The following ARHGAP26 variants were observed in gnomAD, a reference collection of about 807,000 sequenced individuals.
ARHGAP26 encodes the protein Rho GTPase activating protein 26, also known as rho GTPase-activating protein 26.
In ARHGAP26, 38 loss-of-function variants were observed where a neutral mutation model predicts 104.8. That is an observed-to-expected ratio of 0.36 (90% CI 0.28 to 0.48). The LOEUF (loss-of-function observed/expected upper bound fraction) is 0.48, where lower values mean the gene tolerates loss of function less well. Among genes scored for constraint, ARHGAP26 ranks in the 20% least tolerant of loss-of-function variants. The pLI, the probability that ARHGAP26 is intolerant of heterozygous loss-of-function variation, is 0.99. For missense variants in ARHGAP26, 704 were observed against 947.9 expected, an observed-to-expected ratio of 0.74 and a Z score of 3.38; for synonymous variants, 341 against 340.0, an observed-to-expected ratio of 1.00 and a Z score of -0.03.
chr5:142,844,945 C>T (rs1379267885), intron 1 of ARHGAP26, among the ~76,000 whole-genome samples: 1 of 152,062 alleles, frequency 6.6e-6, no homozygotes, highest in Non-Finnish European at 1.5e-5. Flanking sequence ...CTGATGCCTG[C>T]TGAACTTAAC....
At chr5:142,994,495 C>A (rs897516990) in intron 11 of ARHGAP26, among the ~76,000 whole-genome samples, 3 of 152,062 alleles carry the variant, frequency 2.0e-5, no homozygotes, top group Non-Finnish European at 4.4e-5. Flanking sequence ...AGAGCTGTGG[C>A]CACATGAAGG....
intron 12 of ARHGAP26, among the ~76,000 whole-genome samples, chr5:143,026,167 G>A (rs1263171176): frequency 7.2e-5 from 11 of 152,198 alleles, no homozygotes; most frequent in Non-Finnish European, 1.5e-5. Context: ...GGAATGTGGA[G>A]ACTTTTGGCC....
intron 11 of ARHGAP26, among the ~76,000 whole-genome samples, chr5:143,009,008 A>G (rs749493611): frequency 1.3e-5 from 2 of 152,106 alleles, no homozygotes; most frequent in Non-Finnish European, 2.9e-5. Flanking sequence ...TTGTACTTTC[A>G]TTGCAGCTTC....
chr5:143,110,571 A>G (rs1794659664), intron 17 of ARHGAP26, among the ~76,000 whole-genome samples: 1 of 152,178 alleles, frequency 6.6e-6, no homozygotes, highest in Non-Finnish European at 1.5e-5. Context: ...TGGCATACAC[A>G]TGTGCAACTT....
chr5:142,795,123 G>T (rs1760720499), intron 1 of ARHGAP26, among the ~76,000 whole-genome samples: 1 of 152,000 alleles, frequency 6.6e-6, no homozygotes, highest in Non-Finnish European at 1.5e-5. Flanking sequence ...ACAAACACAA[G>T]GCAACAGCCA....
intron 1 of ARHGAP26, among the ~76,000 whole-genome samples, chr5:142,872,738 T>C (rs1755495766): frequency 6.6e-6 from 1 of 152,222 alleles, no homozygotes; most frequent in East Asian, 1.9e-4. Flanking sequence ...GCCGGGGCTT[T>C]GTTCTCCTGG....
At chr5:143,078,401 G>A (rs1789341959) in intron 17 of ARHGAP26, among the ~76,000 whole-genome samples, 2 of 152,098 alleles carry the variant, frequency 1.3e-5, no homozygotes, top group African/African-American at 4.8e-5. Flanking sequence ...TCGGATTTTG[G>A]TTTTTTATTT....
intron 11 of ARHGAP26, among the ~76,000 whole-genome samples, chr5:142,941,386 A>G (rs1003373417): frequency 6.6e-6 from 1 of 152,078 alleles, no homozygotes; most frequent in Non-Finnish European, 1.5e-5. Context: ...TTTCTTTTTA[A>G]TATCACATAC....
Position 142,909,583 on chromosome 5 carries a change from A to G in ARHGAP26, c.933+1779A>G, listed in dbSNP as rs114583860. ...GTTCCTTCCCTGAATCAAAGCAATA[A>G]CAAAGCCCTTTTTATGTTTCTTGGC... is the stretch of plus-strand genomic sequence containing the variant. On this transcript the variant is annotated intron_variant, in intron 9 of 22. Coordinates refer to ENST00000645722, the MANE Select transcript of ARHGAP26 (RefSeq NM_001135608.3). Among the ~76,000 whole-genome samples, 309 of 152,356 alleles carry G rather than the reference A, an allele frequency of 2.0e-3. 2 individuals are homozygous for G. The highest frequency in any genetic ancestry group is 6.9e-3 in the African/African-American group (287 of 41,578).
At chr5:143,189,615 C>T (rs1268998204) in intron 20 of ARHGAP26, among the ~76,000 whole-genome samples, 2 of 152,098 alleles carry the variant, frequency 1.3e-5, no homozygotes, top group Admixed American at 6.5e-5. Context: ...AAAGCATGTA[C>T]TTCCAATAAG....
At chr5:143,095,644 C>G (rs966081764) in intron 17 of ARHGAP26, among the ~76,000 whole-genome samples, 1 of 152,324 alleles carries the variant, frequency 6.6e-6, no homozygotes, top group South Asian at 2.1e-4. Flanking sequence ...TCTTGGCTCA[C>G]TGCAACCTCC....
intron 14 of ARHGAP26, among the ~76,000 whole-genome samples, chr5:143,044,906 A>G (rs752469469): frequency 1.6e-4 from 24 of 152,220 alleles, no homozygotes; most frequent in Non-Finnish European, 3.2e-4. Context: ...CATAGTGAGT[A>G]TACAGAGAGA....
At chr5:142,839,325 T>G (rs1209426043) in intron 1 of ARHGAP26, among the ~76,000 whole-genome samples, 1 of 152,200 alleles carries the variant, frequency 6.6e-6, no homozygotes, top group Non-Finnish European at 1.5e-5. Flanking sequence ...CAAGTGTTAG[T>G]TATAATAACC....
At position 142,893,227 on chromosome 5, in the gene ARHGAP26, C is replaced by T. The variant is rs183859127; in HGVS notation, c.487-1011C>T. Reference sequence around the variant, plus strand: ...TCTTGACCTCGTGATCCGCCCACCTCGGCCTCCCAAAGTGCTGGGATTATA... The same window carrying T: ...TCTTGACCTCGTGATCCGCCCACCTTGGCCTCCCAAAGTGCTGGGATTATA... On this transcript the variant is annotated intron_variant, in intron 5 of 22. Coordinates refer to ENST00000645722, the MANE Select transcript of ARHGAP26 (RefSeq NM_001135608.3). 4.3e-3 allele frequency among the ~76,000 whole-genome samples: 654 copies of T among 152,230 alleles called. 5 individuals carry two copies. The highest frequency in any genetic ancestry group is 0.015 in the African/African-American group (616 of 41,522).
At chr5:143,078,252 G>A (rs1278006747) in intron 17 of ARHGAP26, among the ~76,000 whole-genome samples, 1 of 152,294 alleles carries the variant, frequency 6.6e-6, no homozygotes, top group East Asian at 1.9e-4. Flanking sequence ...GGCCTAGGGC[G>A]AGGCAGAAGA....
In ARHGAP26 at chr5:143,036,367, G is replaced by T. The variant is rs533860858; in HGVS notation, c.1145-829G>T. Among the ~76,000 whole-genome samples the T allele has an allele frequency of 4.6e-5, 7 of 152,214 alleles. No homozygotes were observed. The South Asian group carries it at 6.2e-4, about 14-fold the overall frequency. ...AGGTTAGAAGTTTCCAGCCTTGTGT[G>T]GTTCTCTGCTGTGGAAGAAGTTGCT... On this transcript the variant is annotated intron_variant, in intron 12 of 22. Coordinates refer to ENST00000645722, the MANE Select transcript of ARHGAP26 (RefSeq NM_001135608.3).
At chr5:143,079,843 T>C (rs1789552313) in intron 17 of ARHGAP26, among the ~76,000 whole-genome samples, 1 of 152,026 alleles carries the variant, frequency 6.6e-6, no homozygotes, top group South Asian at 2.1e-4. Flanking sequence ...CTAGGGAGAA[T>C]CTAGAGATAG....
chr5:143,117,755 A>G (rs2150763925), intron 17 of ARHGAP26, among the ~76,000 whole-genome samples: 2 of 152,372 alleles, frequency 1.3e-5, no homozygotes, highest in South Asian at 2.1e-4. Context: ...ATTAAGTCTA[A>G]GAAATGGAAC....
rs144028504 is a variant in ARHGAP26, at chr5:142,947,263, C to T, written c.1107+15138C>T. ...TTTATCTCAGCCAAACTAAGGAAAT[C>T]ATCAACATTCTTGGGGTAAATTGAT... is the stretch of plus-strand genomic sequence containing the variant. On this transcript the variant is annotated intron_variant, in intron 11 of 22. Coordinates refer to ENST00000645722, the MANE Select transcript of ARHGAP26 (RefSeq NM_001135608.3). 1.7e-4 allele frequency among the ~76,000 whole-genome samples: 26 copies of T among 152,234 alleles called. No homozygotes were observed. The East Asian group carries it at 4.2e-3, about 25-fold the overall frequency.
Sources: gnomAD v4.1 joint callset for allele counts (sites outside exome capture counted in the v4.1 genomes callset) on GRCh38, gnomAD v4.1.1 for gene constraint, MANE v1.5 for transcripts, NCBI Gene and HGNC (gene_info 2026-07-23, HGNC 2026-07-21) for gene names.